Variants in IL7 observed in about 807,000 individuals in gnomAD.
IL7 encodes the protein interleukin-7.
In IL7, 3 loss-of-function variants were observed where a neutral mutation model predicts 21.6. That is an observed-to-expected ratio of 0.14 (90% CI 0.06 to 0.36). The LOEUF (loss-of-function observed/expected upper bound fraction) is 0.36. Ranked by LOEUF, IL7 falls within the 10% of genes least tolerant of loss-of-function variation. The pLI, the probability that IL7 is intolerant of heterozygous loss-of-function variation, is 1.00. For missense variants in IL7, 175 were observed against 200.2 expected, an observed-to-expected ratio of 0.87 and a Z score of 0.76; for synonymous variants, 62 against 68.1, an observed-to-expected ratio of 0.91 and a Z score of 0.44.
At position 78,738,638 on chromosome 8, in the gene IL7, A is replaced by G. The variant is rs1212382832; in HGVS notation, c.229-3T>C. On this transcript the variant is annotated splice_region_variant and splice_polypyrimidine_tract_variant and intron_variant, in intron 3 of 5. Transcript: ENST00000263851. Reference sequence around the variant, plus strand: ...GCACGGAATAAAAACATACCTTCCTATTATAGGAAAAAGTCAGAAGGGCCA... The same window carrying G: ...GCACGGAATAAAAACATACCTTCCTGTTATAGGAAAAAGTCAGAAGGGCCA... The G allele has an allele frequency of 3.7e-6, 6 of 1,611,536 alleles. No homozygotes were observed. The African/African-American group carries it at 4.0e-5, about 11-fold the overall frequency.
At chr8:78,725,018 G>A (rs1398712403) in intron 3 of IL7, among the ~76,000 whole-genome samples, 1 of 151,872 alleles carries the variant, frequency 6.6e-6, no homozygotes, top group Non-Finnish European at 1.5e-5. Flanking sequence ...ATCTGTAATG[G>A]GCATTTGTCA....
chr8:78,727,137 G>A (rs1386645294), intron 3 of IL7, among the ~76,000 whole-genome samples: 3 of 151,936 alleles, frequency 2.0e-5, no homozygotes, highest in Non-Finnish European at 4.4e-5. Flanking sequence ...CTTCACTGTG[G>A]TGTATCTTTT....
At chr8:78,768,267 G>A (rs1366005706) in intron 2 of IL7, among the ~76,000 whole-genome samples, 1 of 152,042 alleles carries the variant, frequency 6.6e-6, no homozygotes, top group Non-Finnish European at 1.5e-5. Context: ...ATGATTTATA[G>A]TTCTTTGGGT....
chr8:78,709,699 G>A (rs192526264), intron 3 of IL7, among the ~76,000 whole-genome samples: 285 of 150,350 alleles, frequency 1.9e-3, no homozygotes, highest in Non-Finnish European at 3.1e-3. Context: ...ATACACGAAC[G>A]CTAATGATAG....
intron 2 of IL7, among the ~76,000 whole-genome samples, chr8:78,794,089 G>A (rs1183772812): frequency 6.6e-6 from 1 of 152,066 alleles, no homozygotes; most frequent in Non-Finnish European, 1.5e-5. Flanking sequence ...ACCCCTCAAA[G>A]TCATCTATGA....
chr8:78,685,131 G>T (rs1809924510), intron 4 of IL7, among the ~76,000 whole-genome samples: 6 of 152,162 alleles, frequency 3.9e-5, no homozygotes, highest in Admixed American at 3.9e-4. Flanking sequence ...TGGAATGGAA[G>T]AGAAAGTTCA....
intron 2 of IL7, among the ~76,000 whole-genome samples, chr8:78,766,991 GC>G (rs1035128554): frequency 6.4e-4 from 98 of 152,150 alleles, no homozygotes; most frequent in African/African-American, 1.9e-3. Flanking sequence ...AAAAAATTAT[GC>G]CTCATTATAG....
At chr8:78,697,418 C>G (rs372858379) in intron 3 of IL7, 1 of 1,597,146 alleles carries the variant, frequency 6.3e-7, no homozygotes, top group Non-Finnish European at 8.5e-7. Context: ...ATAAGCCACC[C>G]GCACTTAAAA....
At chr8:78,716,844 G>A (rs1382779826), downstream of IL7, among the ~76,000 whole-genome samples, 1 of 152,124 alleles carries the variant, frequency 6.6e-6, no homozygotes, top group Admixed American at 6.5e-5. Context: ...GTGATAGTGA[G>A]TTCTCAATGT....
chr8:78,723,628 C>T (rs1355127465), intron 3 of IL7, among the ~76,000 whole-genome samples: 2 of 151,988 alleles, frequency 1.3e-5, no homozygotes, highest in Admixed American at 6.6e-5. Context: ...ACAAAAATAG[C>T]GTCAGCCTTC....
chr8:78,738,982 A>G (rs1811686997), intron 3 of IL7, among the ~76,000 whole-genome samples: 2 of 152,190 alleles, frequency 1.3e-5, no homozygotes, highest in South Asian at 4.1e-4. Flanking sequence ...GGAAGCAACA[A>G]TGTATTATAA....
chr8:78,777,212 A>G (rs1563431705), intron 2 of IL7, among the ~76,000 whole-genome samples: 1 of 152,080 alleles, frequency 6.6e-6, no homozygotes, highest in East Asian at 1.9e-4. Context: ...TTCAAAACAA[A>G]TAAAAATACC....
rs541218451 is a variant in IL7 at position 78,770,882 on chromosome 8, T to A, written c.147+27190A>T. Among the ~76,000 whole-genome samples, 4 of 152,224 alleles carry A rather than the reference T, an allele frequency of 2.6e-5. No homozygotes were observed. In the South Asian group the frequency reaches 8.3e-4, roughly 32 times the overall value. On this transcript the variant is annotated intron_variant, in intron 2 of 5. Transcript: ENST00000263851. ...TATAATTTAAGCCTTTAAGTTCCTA[T>A]CTGATGGAGATAAACTCCTCTGAAA...
chr8:78,801,449 T>C (rs1034858038), intron 1 of IL7, among the ~76,000 whole-genome samples: 2 of 152,026 alleles, frequency 1.3e-5, no homozygotes, highest in South Asian at 2.1e-4. Context: ...AGACTCTACT[T>C]GGGAGGCTGA....
intron 2 of IL7, among the ~76,000 whole-genome samples, chr8:78,796,667 A>G (rs1424139132): frequency 1.3e-5 from 2 of 152,042 alleles, no homozygotes; most frequent in Non-Finnish European, 2.9e-5. Context: ...TCAACATTGT[A>G]TGTCATTATG....
chr8:78,764,852 A>C (rs185800923), intron 2 of IL7, among the ~76,000 whole-genome samples: 2 of 152,220 alleles, frequency 1.3e-5, no homozygotes, highest in Non-Finnish European at 2.9e-5. Context: ...TGTGAAGAGG[A>C]AAAAGACCCA....
At chr8:78,719,527 TC>T (rs1811199141) in intron 5 of IL7, 2 of 151,840 alleles carry the variant, frequency 1.3e-5, no homozygotes, top group African/African-American at 4.8e-5. Context: ...AAAAAAATCT[TC>T]CTATGCATCA....
intron 3 of IL7, chr8:78,723,860 C>T (rs1811292878): frequency 8.8e-6 from 2 of 226,456 alleles, no homozygotes; most frequent in South Asian, 1.7e-4. Flanking sequence ...TTTAAGGAAA[C>T]ATGCATTTTC....
At chr8:78,686,255 G>A (rs551814977) in intron 3 of IL7, among the ~76,000 whole-genome samples, 16 of 152,188 alleles carry the variant, frequency 1.1e-4, no homozygotes, top group African/African-American at 2.6e-4. Flanking sequence ...AGTGTCTTTC[G>A]CGATGACACT....
Sources: gnomAD v4.1 joint callset for allele counts (sites outside exome capture counted in the v4.1 genomes callset) on GRCh38, gnomAD v4.1.1 for gene constraint, MANE v1.5 for transcripts, NCBI Gene and HGNC (gene_info 2026-07-23, HGNC 2026-07-21) for gene names.